Variants in CELF4 observed in about 807,000 individuals in gnomAD.
CELF4 encodes CUGBP Elav-like family member 4.
In CELF4, 18 loss-of-function variants were observed where a neutral mutation model predicts 59.9. The ratio of observed to expected loss-of-function variants is 0.30; its 90% CI spans 0.21 to 0.45. The LOEUF is 0.45. CELF4 is among the 20% of genes least tolerant of loss of function. The pLI, the probability that CELF4 is intolerant of heterozygous loss-of-function variation, is 1.00. For synonymous variants in CELF4, 261 were observed against 267.1 expected, an observed-to-expected ratio of 0.98 and a Z score of 0.22; for missense variants, 456 against 689.0, an observed-to-expected ratio of 0.66 and a Z score of 3.79.
At chr18:37,548,360 G>A (rs1158918357) in intron 1 of CELF4, among the ~76,000 whole-genome samples, 1 of 152,202 alleles carries the variant, frequency 6.6e-6, no homozygotes, top group East Asian at 1.9e-4. Context: ...TCTAACCTCA[G>A]TCGAGTTACT....
chr18:37,438,354 T>C (rs771298608), intron 2 of CELF4, among the ~76,000 whole-genome samples: 64 of 152,258 alleles, frequency 4.2e-4, no homozygotes, highest in African/African-American at 1.5e-3. Context: ...GGCAAGGGGC[T>C]TGGCAAGGCA....
chr18:37,258,923 G>T (rs2072190652), intron 11 of CELF4: 7 of 549,806 alleles, frequency 1.3e-5, no homozygotes, highest in Non-Finnish European at 2.2e-5. Context: ...TGGGGAGCCA[G>T]GTTGTGTGGG....
intron 5 of CELF4, 24 bp downstream of exon 5, chr18:37,274,781 C>G (rs914959759): frequency 6.4e-6 from 10 of 1,558,492 alleles, no homozygotes; most frequent in Non-Finnish European, 8.7e-6. Flanking sequence ...GCCCTCGCCC[C>G]CGCCCCAAGG....
chr18:37,296,792 C>T (rs1054706307), intron 3 of CELF4, among the ~76,000 whole-genome samples: 17 of 152,156 alleles, frequency 1.1e-4, no homozygotes, highest in African/African-American at 3.9e-4. Flanking sequence ...TCTATGTCCT[C>T]CTGTTTCCTA....
chr18:37,325,167 AG>A (rs35330329), intron 2 of CELF4, among the ~76,000 whole-genome samples: 34,892 of 151,718 alleles, frequency 0.23, 4,827 homozygotes, highest in East Asian at 0.65. Flanking sequence ...CCAACGGGGG[AG>A]TGAGGCCATT....
Position 37,524,820 on chromosome 18 carries a change from C to CGCGGCTCCCGGCA in CELF4, c.287-39226_287-39214dup, listed in dbSNP as rs1418582276. On this transcript the variant is annotated intron_variant, in intron 1 of 12. Transcript: ENST00000420428. ...CGCTCTACGCCCTCCGCGCCCCGGC[C>CGCGGCTCCCGGCA]GCGGCTCCCGGCAGCGACCGCAGCG... Among the ~76,000 whole-genome samples, 26 of 152,214 alleles carry CGCGGCTCCCGGCA rather than the reference C, an allele frequency of 1.7e-4. No homozygotes were observed. The East Asian group carries it at 3.1e-3, about 18-fold the overall frequency.
At chr18:37,336,160 G>A (rs527652273) in intron 2 of CELF4, among the ~76,000 whole-genome samples, 4 of 152,262 alleles carry the variant, frequency 2.6e-5, no homozygotes, top group East Asian at 1.9e-4. Flanking sequence ...CAGGAGCCTC[G>A]CTCAGGGAGG....
intron 2 of CELF4, among the ~76,000 whole-genome samples, chr18:37,444,764 A>G (rs918676485): frequency 6.6e-6 from 1 of 152,116 alleles, no homozygotes. Flanking sequence ...CGACAGGCTC[A>G]GGAGGGGCCC....
intron 3 of CELF4, among the ~76,000 whole-genome samples, chr18:37,294,751 T>C (rs1003913393): frequency 6.6e-6 from 1 of 152,234 alleles, no homozygotes; most frequent in Admixed American, 6.5e-5. Context: ...ACCCGTTTCA[T>C]TTGTCCACCT....
At chr18:37,454,323 C>G (rs1416356454) in intron 2 of CELF4, among the ~76,000 whole-genome samples, 1 of 152,118 alleles carries the variant, frequency 6.6e-6, no homozygotes, top group Non-Finnish European at 1.5e-5. Flanking sequence ...CAGGTGGGCT[C>G]TGTTCTATGA....
intron 3 of CELF4, among the ~76,000 whole-genome samples, chr18:37,278,192 T>A (rs2093635962): frequency 6.6e-6 from 1 of 152,074 alleles, no homozygotes; most frequent in Admixed American, 6.6e-5. Context: ...TTTCTAAACA[T>A]ATAAGCTGCC....
chr18:37,547,160 G>GTGTGTGTGTGTGTGTGTGT (rs61235122), intron 1 of CELF4, among the ~76,000 whole-genome samples: 80 of 144,248 alleles, frequency 5.5e-4, no homozygotes, highest in African/African-American at 1.7e-3. Context: ...GTGTGTGTGT[G>GTGTGTGTGTGTGTGTGTGT]GTGTGTGTGT....
intron 11 of CELF4, among the ~76,000 whole-genome samples, chr18:37,258,768 G>A (rs978955628): frequency 3.3e-5 from 5 of 152,188 alleles, no homozygotes; most frequent in Non-Finnish European, 5.9e-5. Context: ...CTCACCATGA[G>A]AGGAGAGGGG....
Position 37,252,497 on chromosome 18 carries a change from G to A in CELF4, c.*44+1270C>T, listed in dbSNP as rs533840381. 9.2e-5 allele frequency among the ~76,000 whole-genome samples: 14 copies of A among 151,604 alleles called. No individual in the cohort carries two copies. In the East Asian group the frequency reaches 1.6e-3, roughly 17 times the overall value. On this transcript the variant is annotated intron_variant, in intron 12 of 12. Coordinates refer to ENST00000420428, the MANE Select transcript of CELF4 (RefSeq NM_020180.4). ...TTTCAGAGAAGAGACCAAAGTCCACGCAGTGGCCTTCAAGGCCCCACACCA... is the reference window on the plus strand; with the variant it reads ...TTTCAGAGAAGAGACCAAAGTCCACACAGTGGCCTTCAAGGCCCCACACCA...
intron 1 of CELF4, among the ~76,000 whole-genome samples, chr18:37,547,951 G>T (rs1207050059): frequency 6.6e-6 from 1 of 152,108 alleles, no homozygotes; most frequent in East Asian, 1.9e-4. Flanking sequence ...ATGTGTTTGT[G>T]AATGTGTCTG....
chr18:37,332,436 C>T lies in CELF4; in HGVS notation c.370-10555G>A, dbSNP rs566120384. 9.2e-5 allele frequency among the ~76,000 whole-genome samples: 14 copies of T among 152,312 alleles called. No homozygotes were observed. In the East Asian group the frequency reaches 1.5e-3, roughly 17 times the overall value. Reference sequence around the variant, plus strand: ...GCAGTGTCCAGAAAGAAGCAGTGAGCGGCCCTGACATAGCCTGCTGGTGGG... The same window carrying T: ...GCAGTGTCCAGAAAGAAGCAGTGAGTGGCCCTGACATAGCCTGCTGGTGGG... On this transcript the variant is annotated intron_variant, in intron 2 of 12. Transcript: ENST00000420428.
intron 9 of CELF4, among the ~76,000 whole-genome samples, chr18:37,265,194 CG>C (rs1345221972): frequency 1.4e-5 from 2 of 144,624 alleles, no homozygotes; most frequent in African/African-American, 5.2e-5. Flanking sequence ...TGTACATGCA[CG>C]TGTGTGGGTG....
chr18:37,332,626 G>T (rs553446432), intron 2 of CELF4, among the ~76,000 whole-genome samples: 1 of 152,180 alleles, frequency 6.6e-6, no homozygotes, highest in South Asian at 2.1e-4. Flanking sequence ...AGTGGTCAAA[G>T]ATCCCTCCAG....
chr18:37,447,550 T>A (rs868054559), intron 2 of CELF4, among the ~76,000 whole-genome samples: 3 of 152,176 alleles, frequency 2.0e-5, no homozygotes, highest in Non-Finnish European at 1.5e-5. Flanking sequence ...TCTTTCTCTG[T>A]GCAGGCTCGC....
Sources: allele counts gnomAD v4.1 joint callset (sites outside exome capture counted in the v4.1 genomes callset), GRCh38; gene constraint gnomAD v4.1.1; transcripts MANE v1.5; gene names NCBI Gene and HGNC (gene_info 2026-07-23, HGNC 2026-07-21).